DNM3: variants seen among roughly 807,000 people sequenced by gnomAD.
DNM3 encodes the protein dynamin 3, also known as dynamin-3.
DNM3 carries 47 observed loss-of-function variants against 101.6 expected under a neutral mutation model. The ratio of observed to expected loss-of-function variants is 0.46; its 90% CI spans 0.37 to 0.59. The LOEUF (loss-of-function observed/expected upper bound fraction) is 0.59, where lower values mean the gene tolerates loss of function less well. Among genes scored for constraint, DNM3 ranks in the 20% least tolerant of loss-of-function variants. The probability of loss-of-function intolerance (pLI) is 0.00; values close to 1 mark genes in which losing one functional copy is unlikely to be tolerated. For synonymous variants in DNM3, 385 were observed against 387.9 expected (o/e 0.99, Z 0.09); for missense variants, 849 against 1,085.7 (o/e 0.78, Z 3.06).
intron 2 of DNM3, among the ~76,000 whole-genome samples, chr1:171,951,418 G>C (rs1468485873): frequency 6.6e-6 from 1 of 152,176 alleles, no homozygotes; most frequent in Non-Finnish European, 1.5e-5. Flanking sequence ...TTTGCATTAT[G>C]AAAGTTTCGT....
intron 1 of DNM3, among the ~76,000 whole-genome samples, chr1:171,874,840 T>TA (rs1429493459): frequency 1.3e-5 from 2 of 151,146 alleles, no homozygotes; most frequent in Non-Finnish European, 2.9e-5. Context: ...CCCCATCTAG[T>TA]AGCCCCCAGT....
At chr1:172,019,013 CT>C (rs2047644731) in intron 4 of DNM3, among the ~76,000 whole-genome samples, 1 of 76,076 alleles carries the variant, frequency 1.3e-5, no homozygotes, top group South Asian at 3.9e-4. Context: ...CCTTCGCCCC[CT>C]CCCTTCCTCC....
intron 4 of DNM3, among the ~76,000 whole-genome samples, chr1:172,005,793 T>A (rs530491241): frequency 1.3e-5 from 2 of 152,110 alleles, no homozygotes; most frequent in Non-Finnish European, 2.9e-5. Context: ...ATTGACTTAA[T>A]GGAAACTTTT....
chr1:172,042,964 G>T (rs983746271), intron 8 of DNM3, among the ~76,000 whole-genome samples: 3 of 152,142 alleles, frequency 2.0e-5, no homozygotes, highest in Admixed American at 6.6e-5. Context: ...CAGACCAGGG[G>T]TGGATTCATT....
chr1:172,055,948 G>C (rs1017764685), intron 10 of DNM3, among the ~76,000 whole-genome samples: 3 of 152,140 alleles, frequency 2.0e-5, no homozygotes, highest in Non-Finnish European at 2.9e-5. Flanking sequence ...ATCTCACTAG[G>C]GAGTGCCAGA....
intron 1 of DNM3, among the ~76,000 whole-genome samples, chr1:171,894,260 C>A (rs1019094683): frequency 5.3e-5 from 8 of 152,174 alleles, no homozygotes; most frequent in Non-Finnish European, 1.0e-4. Context: ...ACCTGGCCCC[C>A]ACCTTTCCTG....
At chr1:172,388,404 AACTT>A (rs1350864204) in intron 19 of DNM3, among the ~76,000 whole-genome samples, 165 bp from the exon 20 acceptor site, 4 of 152,186 alleles carry the variant, frequency 2.6e-5, no homozygotes, top group South Asian at 4.2e-4. Context: ...GGGAGAGGAA[AACTT>A]ACTTTTCTCC....
intron 15 of DNM3, among the ~76,000 whole-genome samples, chr1:172,277,720 A>C (rs2063341380): frequency 6.6e-6 from 1 of 152,126 alleles, no homozygotes; most frequent in African/African-American, 2.4e-5. Context: ...TTTTATGAAA[A>C]TAGCGAAAGC....
intron 15 of DNM3, among the ~76,000 whole-genome samples, chr1:172,299,591 G>T (rs148584485): frequency 3.4e-4 from 51 of 151,952 alleles, no homozygotes; most frequent in African/African-American, 1.1e-3. Context: ...TTGTCTATAT[G>T]TGCCCAATGT....
chr1:172,004,673 G>C (rs1052301552), intron 4 of DNM3, among the ~76,000 whole-genome samples: 2 of 151,990 alleles, frequency 1.3e-5, no homozygotes, highest in Non-Finnish European at 1.5e-5. Flanking sequence ...AAGCACCAAG[G>C]AGTAAGAAAA....
At chr1:172,253,234 A>AG (rs1240267143) in intron 14 of DNM3, among the ~76,000 whole-genome samples, 1 of 152,100 alleles carries the variant, frequency 6.6e-6, no homozygotes, top group Non-Finnish European at 1.5e-5. Flanking sequence ...GACCCACATG[A>AG]GGGGGAAAGG....
At chr1:172,252,038 T>C (rs1345138606) in intron 14 of DNM3, among the ~76,000 whole-genome samples, 1 of 152,184 alleles carries the variant, frequency 6.6e-6, no homozygotes, top group East Asian at 1.9e-4. Context: ...TGATAATATA[T>C]TCTTAACTTT....
Position 172,235,834 on chromosome 1 carries a change from G to A in DNM3, c.1660-17739G>A, listed in dbSNP as rs954977052. Reference sequence around the variant, plus strand: ...TACAGGAAGGGGAACATAACACACCGGGGCCTGTTTTGGGGTGGGGAGAGT... The same window carrying A: ...TACAGGAAGGGGAACATAACACACCAGGGCCTGTTTTGGGGTGGGGAGAGT... On this transcript the variant is annotated intron_variant, in intron 14 of 20. Coordinates refer to ENST00000627582, the MANE Select transcript of DNM3 (RefSeq NM_015569.5). 6.0e-4 allele frequency among the ~76,000 whole-genome samples: 87 copies of A among 144,428 alleles called. 3 individuals carry two copies. The highest frequency in any genetic ancestry group is 1.7e-3 in the South Asian group (8 of 4,804). The allele number at this position is 144,428 out of a possible 152,430, so 94.8% of individuals were successfully genotyped here. A position where few individuals can be genotyped will look rare whatever the true frequency, so the allele number is the denominator to read the frequency against.
At chr1:171,897,777 A>G (rs553695907) in intron 1 of DNM3, among the ~76,000 whole-genome samples, 8 of 152,204 alleles carry the variant, frequency 5.3e-5, no homozygotes, top group Admixed American at 3.9e-4. Context: ...GATTTTTCAT[A>G]CAATCTGTGT....
rs41263726 is a variant in DNM3, at chr1:172,253,697, C to T, written c.1769+15C>T. 6,957 of 1,501,574 alleles carry T rather than the reference C, an allele frequency of 4.6e-3. 23 individuals are homozygous for T. Among genetic ancestry groups the T allele is most frequent in the Non-Finnish European group, 5.3e-3 (5,907 of 1,114,046 alleles). 93.0% of individuals were successfully genotyped at this position (1,501,574 alleles called of 1,614,324 possible). On this transcript the variant is annotated intron_variant, in intron 15 of 20. Coordinates refer to ENST00000627582, the MANE Select transcript of DNM3 (RefSeq NM_015569.5). ...ACAGAGCAAAGGTAAGAAATTGAAA[C>T]AGTTCCTGTCTTCAGATTTTTTTCC...
intron 1 of DNM3, among the ~76,000 whole-genome samples, chr1:171,902,114 T>G (rs1375253549): frequency 3.3e-5 from 5 of 152,258 alleles, no homozygotes; most frequent in Non-Finnish European, 7.3e-5. Context: ...AACCCCATTC[T>G]ATTCTGAAAC....
intron 2 of DNM3, among the ~76,000 whole-genome samples, chr1:171,977,869 C>A (rs539674980): frequency 1.3e-5 from 2 of 152,190 alleles, no homozygotes; most frequent in Non-Finnish European, 2.9e-5. Flanking sequence ...ACAACCTGAA[C>A]ATTACAACTC....
intron 14 of DNM3, among the ~76,000 whole-genome samples, chr1:172,205,636 G>A (rs1050052260): frequency 3.9e-5 from 6 of 152,026 alleles, no homozygotes; most frequent in African/African-American, 1.4e-4. Flanking sequence ...TCTCTTTAAT[G>A]TCTGAATTAA....
chr1:171,999,706 T>C (rs369476574), intron 4 of DNM3, among the ~76,000 whole-genome samples: 3 of 152,232 alleles, frequency 2.0e-5, no homozygotes, highest in African/African-American at 4.8e-5. Context: ...TATCTTGAGA[T>C]GAGATAATCC....
Sources: gnomAD v4.1 joint callset for allele counts (sites outside exome capture counted in the v4.1 genomes callset) on GRCh38, gnomAD v4.1.1 for gene constraint, MANE v1.5 for transcripts, NCBI Gene and HGNC (gene_info 2026-07-23, HGNC 2026-07-21) for gene names.